PID1: variants seen among roughly 807,000 people sequenced by gnomAD.
PID1 encodes the protein PTB-containing, cubilin and LRP1-interacting protein.
PID1 carries 10 observed loss-of-function variants against 19.1 expected under a neutral mutation model. The ratio of observed to expected loss-of-function variants is 0.52; its 90% CI spans 0.32 to 0.89. The LOEUF (loss-of-function observed/expected upper bound fraction) is 0.89, where lower values mean the gene tolerates loss of function less well. Ranked by LOEUF, PID1 falls within the 40% of genes least tolerant of loss-of-function variation. The pLI is 0.03. For synonymous variants in PID1, 130 were observed against 116.0 expected (o/e 1.12, Z -0.78); for missense variants, 248 against 285.3 (o/e 0.87, Z 0.94).
Position 229,194,016 on chromosome 2 carries a change from C to T in PID1, c.31-38052G>A, listed in dbSNP as rs1559279338. ...AGAGAATTTATTACCCCATGTATAACAAGAATAATCTCCAGTCCCTTGCCA... is the reference window on the plus strand; with the variant it reads ...AGAGAATTTATTACCCCATGTATAATAAGAATAATCTCCAGTCCCTTGCCA... On this transcript the variant is annotated intron_variant, in intron 1 of 2. Coordinates refer to ENST00000392055, the MANE Select transcript of PID1 (RefSeq NM_001100818.2). 2.0e-5 allele frequency among the ~76,000 whole-genome samples: 3 copies of T among 152,066 alleles called. No homozygotes were observed. In the South Asian group the frequency reaches 6.2e-4, roughly 31 times the overall value.
intron 2 of PID1, among the ~76,000 whole-genome samples, chr2:229,117,834 T>C (rs1364514376): frequency 6.6e-6 from 1 of 152,154 alleles, no homozygotes; most frequent in Non-Finnish European, 1.5e-5. Flanking sequence ...CCCATGTTTT[T>C]AGTCTTAGCT....
chr2:229,255,214 G>A (rs1045633261), intron 1 of PID1, among the ~76,000 whole-genome samples: 4 of 152,172 alleles, frequency 2.6e-5, no homozygotes, highest in Admixed American at 2.6e-4. Context: ...GATGGGTTGA[G>A]GGTGGGAGAT....
At chr2:229,146,193 T>C (rs1192856817) in intron 2 of PID1, among the ~76,000 whole-genome samples, 3 of 152,160 alleles carry the variant, frequency 2.0e-5, no homozygotes, top group Admixed American at 1.3e-4. Context: ...TTTGGATTGG[T>C]TCCAAGTCTT....
At chr2:229,120,188 G>A (rs913381698) in intron 2 of PID1, among the ~76,000 whole-genome samples, 3 of 152,092 alleles carry the variant, frequency 2.0e-5, no homozygotes, top group Non-Finnish European at 4.4e-5. Context: ...TGTTAGGAAT[G>A]GCAAGCCCCC....
intron 2 of PID1, among the ~76,000 whole-genome samples, chr2:229,149,030 C>A (rs1303794220): frequency 1.4e-5 from 2 of 144,590 alleles, no homozygotes; most frequent in Non-Finnish European, 3.0e-5. Context: ...AGGCTTGAAT[C>A]TAATATATAT....
chr2:229,259,329 T>A (rs916513848), intron 1 of PID1, among the ~76,000 whole-genome samples: 13 of 152,220 alleles, frequency 8.5e-5, no homozygotes, highest in Admixed American at 7.9e-4. Flanking sequence ...TTCATTCTTT[T>A]ATCCATATCT....
chr2:229,156,339 A>G (rs7597807), intron 1 of PID1, among the ~76,000 whole-genome samples: 27,486 of 152,200 alleles, frequency 0.18, 2,738 homozygotes, highest in Non-Finnish European at 0.23. Context: ...TTATTTTGGG[A>G]AAAGTCTAGA....
intron 1 of PID1, among the ~76,000 whole-genome samples, chr2:229,253,808 A>G (rs987402352): frequency 2.6e-5 from 4 of 152,170 alleles, no homozygotes; most frequent in African/African-American, 7.2e-5. Context: ...CTGAACATCA[A>G]TTGGTTCAAG....
At chr2:229,239,984 A>G (rs755103895) in intron 1 of PID1, among the ~76,000 whole-genome samples, 4 of 152,184 alleles carry the variant, frequency 2.6e-5, no homozygotes, top group Non-Finnish European at 5.9e-5. Flanking sequence ...ATTTTCATCT[A>G]TATCTAAATA....
chr2:229,144,627 G>C (rs978274056), intron 2 of PID1, among the ~76,000 whole-genome samples: 6 of 152,114 alleles, frequency 3.9e-5, no homozygotes, highest in South Asian at 2.1e-4. Context: ...AAGAGAGTGA[G>C]TATAGTCATT....
chr2:229,131,558 T>C (rs747268428), intron 2 of PID1, among the ~76,000 whole-genome samples: 13 of 152,158 alleles, frequency 8.5e-5, no homozygotes, highest in Non-Finnish European at 1.6e-4. Flanking sequence ...CAAAGTCATG[T>C]GAAAAGAGTA....
rs35107592 is a variant in PID1, at chr2:229,150,853, C to CTT, written c.177+4963_177+4964dup. On this transcript the variant is annotated intron_variant, in intron 2 of 2. Coordinates refer to ENST00000392055, the MANE Select transcript of PID1 (RefSeq NM_001100818.2). ...CATATGATTTTTCATTGTAGAGTGC[C>CTT]TTTTTTTTTTTTTTAAGAAAACCAA... 1.2e-3 allele frequency among the ~76,000 whole-genome samples: 166 copies of CTT among 137,454 alleles called. 2 individuals are homozygous for CTT. Among genetic ancestry groups the CTT allele is most frequent in the Non-Finnish European group, 2.0e-3 (126 of 63,556 alleles). The allele number at this position is 137,454 out of a possible 152,430, so 90.2% of individuals were successfully genotyped here.
intron 2 of PID1, among the ~76,000 whole-genome samples, chr2:229,147,560 T>C (rs1313446137): frequency 2.0e-5 from 3 of 151,996 alleles, no homozygotes; most frequent in Non-Finnish European, 4.4e-5. Flanking sequence ...TAACATGTTA[T>C]AATCAACTTT....
intron 2 of PID1, among the ~76,000 whole-genome samples, chr2:229,034,464 C>G (rs1693618689): frequency 2.0e-5 from 3 of 152,150 alleles, no homozygotes; most frequent in Admixed American, 1.3e-4. Context: ...TGAACCTGGA[C>G]AGTAGGACCC....
intron 1 of PID1, 42 bp downstream of exon 1, chr2:229,270,972 C>A: frequency 6.8e-7 from 1 of 1,476,876 alleles, no homozygotes; most frequent in Middle Eastern, 1.8e-4. Flanking sequence ...GCCCGGGCAC[C>A]TCCTCCTCCA....
chr2:229,060,307 AT>A lies in PID1; in HGVS notation c.178-34200del, dbSNP rs573280754. Among the ~76,000 whole-genome samples, 99 of 152,178 alleles carry A rather than the reference AT, an allele frequency of 6.5e-4. 1 individual carries two copies. Among genetic ancestry groups the A allele is most frequent in the Non-Finnish European group, 1.4e-3 (92 of 67,976 alleles). On this transcript the variant is annotated intron_variant, in intron 2 of 2. Transcript: ENST00000392055. ...CCTTCTCAAGCCTCTGGTAACTCCCATTCTACTCTACTTCCATGAGATCAAC... is the reference window on the plus strand; with the variant it reads ...CCTTCTCAAGCCTCTGGTAACTCCCATCTACTCTACTTCCATGAGATCAAC...
chr2:229,137,922 C>T (rs147541392), intron 2 of PID1, among the ~76,000 whole-genome samples: 153 of 152,242 alleles, frequency 1.0e-3, no homozygotes, highest in African/African-American at 3.5e-3. Context: ...GACAAATAAA[C>T]CCATCGACAG....
intron 1 of PID1, among the ~76,000 whole-genome samples, chr2:229,199,767 C>T (rs1020953316): frequency 6.9e-6 from 1 of 145,614 alleles, no homozygotes; most frequent in African/African-American, 2.5e-5. Flanking sequence ...CACACACACA[C>T]ATATATATAT....
At chr2:229,143,135 G>A (rs1255553153) in intron 2 of PID1, among the ~76,000 whole-genome samples, 1 of 145,242 alleles carries the variant, frequency 6.9e-6, no homozygotes, top group African/African-American at 2.6e-5. Context: ...TTATAGGTGG[G>A]AATTGAACAA....
Sources: gnomAD v4.1 joint callset for allele counts (sites outside exome capture counted in the v4.1 genomes callset) on GRCh38, gnomAD v4.1.1 for gene constraint, MANE v1.5 for transcripts, NCBI Gene and HGNC (gene_info 2026-07-23, HGNC 2026-07-21) for gene names.